The following PCDH15 variants were observed in gnomAD, a reference collection of about 807,000 sequenced individuals.
The protein encoded by PCDH15 is protocadherin-15.
In PCDH15, 129 loss-of-function variants were observed where a neutral mutation model predicts 178.5. That is an observed-to-expected ratio of 0.72 (90% CI 0.63 to 0.84). The LOEUF (loss-of-function observed/expected upper bound fraction) is 0.84. Ranked by LOEUF, PCDH15 falls within the 40% of genes least tolerant of loss-of-function variation. The probability of loss-of-function intolerance (pLI) is 0.00; values close to 1 mark genes in which losing one functional copy is unlikely to be tolerated. For missense variants in PCDH15, 2,230 were observed against 2,099.9 expected, an observed-to-expected ratio of 1.06 and a Z score of -1.21; for synonymous variants, 800 against 732.0, an observed-to-expected ratio of 1.09 and a Z score of -1.50.
At chr10:55,340,190 T>C (rs765293735) in intron 2 of PCDH15, among the ~76,000 whole-genome samples, 2 of 150,846 alleles carry the variant, frequency 1.3e-5, no homozygotes, top group Non-Finnish European at 3.0e-5. Context: ...TTATGTAAAA[T>C]ATAATCTGTA....
chr10:55,425,129 T>G (rs1838720589), intron 2 of PCDH15, among the ~76,000 whole-genome samples: 1 of 149,680 alleles, frequency 6.7e-6, no homozygotes, highest in Admixed American at 6.7e-5. Flanking sequence ...AATTTTGTTT[T>G]AAGACAAAGA....
intron 3 of PCDH15, among the ~76,000 whole-genome samples, chr10:54,889,725 G>A (rs974865203): frequency 6.6e-6 from 1 of 151,206 alleles, no homozygotes; most frequent in Non-Finnish European, 1.5e-5. Flanking sequence ...CATTTGAGAG[G>A]CAGATATGAG....
At chr10:55,047,676 T>G (rs534364054) in intron 2 of PCDH15, among the ~76,000 whole-genome samples, 16 of 151,868 alleles carry the variant, frequency 1.1e-4, no homozygotes, top group African/African-American at 3.6e-4. Context: ...GAGAATGAGT[T>G]GGGGAAGTTG....
At chr10:54,714,034 C>T (rs1189899619) in intron 1 of PCDH15, among the ~76,000 whole-genome samples, 1 of 152,116 alleles carries the variant, frequency 6.6e-6, no homozygotes, top group Non-Finnish European at 1.5e-5. Flanking sequence ...GCTACTTCAC[C>T]TCTGTGAGAC....
intron 21 of PCDH15, among the ~76,000 whole-genome samples, chr10:53,972,738 G>C (rs1376587546): frequency 2.6e-5 from 4 of 152,122 alleles, no homozygotes; most frequent in Non-Finnish European, 5.9e-5. Flanking sequence ...AAACCACAAT[G>C]AGATACCATC....
chr10:55,045,792 G>A (rs765047493), intron 2 of PCDH15, among the ~76,000 whole-genome samples: 2 of 152,042 alleles, frequency 1.3e-5, no homozygotes, highest in Middle Eastern at 6.8e-3. Flanking sequence ...ATGTCAATTG[G>A]TGATGGAGAA....
At chr10:55,162,768 C>A (rs1253469174) in intron 2 of PCDH15, among the ~76,000 whole-genome samples, 4 of 152,180 alleles carry the variant, frequency 2.6e-5, no homozygotes, top group Middle Eastern at 3.4e-3. Context: ...TTCCTATTGT[C>A]AATGGAGAGG....
intron 8 of PCDH15, among the ~76,000 whole-genome samples, chr10:54,263,229 A>T (rs1036522995): frequency 6.6e-6 from 1 of 152,050 alleles, no homozygotes; most frequent in Non-Finnish European, 1.5e-5. Context: ...GTCCCTAGAG[A>T]TGTAATCCTC....
intron 2 of PCDH15, among the ~76,000 whole-genome samples, chr10:54,983,748 A>G (rs1009419079): frequency 6.6e-6 from 1 of 152,144 alleles, no homozygotes; most frequent in Non-Finnish European, 1.5e-5. Flanking sequence ...GATCCCAGAT[A>G]GAAAGAAGCT....
At chr10:54,919,263 A>G (rs539113326) in intron 2 of PCDH15, among the ~76,000 whole-genome samples, 1 of 152,134 alleles carries the variant, frequency 6.6e-6, no homozygotes, top group Non-Finnish European at 1.5e-5. Context: ...GTGTAGTCAT[A>G]GTTTCCCTAC....
rs547067615 is a variant in PCDH15 at position 54,966,393 on chromosome 10, G to T, written c.-79-68893C>A. Among the ~76,000 whole-genome samples the T allele has an allele frequency of 1.5e-3, 222 of 152,126 alleles. 1 individual carries two copies. Among genetic ancestry groups the T allele is most frequent in the African/African-American group, 5.1e-3 (210 of 41,508 alleles). ...TGAGAAACGTATGGTTAGGTGATTT[G>T]TTCACTGAACATCCTAGAATGCACT... On this transcript the variant is annotated intron_variant, in intron 2 of 5. Coordinates refer to the PCDH15 transcript ENST00000458638.
At chr10:54,436,581 A>C (rs553378115) in intron 3 of PCDH15, among the ~76,000 whole-genome samples, 12 of 152,280 alleles carry the variant, frequency 7.9e-5, no homozygotes, top group African/African-American at 2.4e-4. Flanking sequence ...GGATTCATTA[A>C]ATTTTCAAGC....
chr10:54,391,232 C>T (rs1950514373), intron 3 of PCDH15, among the ~76,000 whole-genome samples: 1 of 152,260 alleles, frequency 6.6e-6, no homozygotes, highest in Non-Finnish European at 1.5e-5. Flanking sequence ...TGCACTCATC[C>T]CATGCCACCA....
intron 5 of PCDH15, among the ~76,000 whole-genome samples, chr10:54,366,145 C>T (rs1946759220): frequency 6.6e-6 from 1 of 152,066 alleles, no homozygotes; most frequent in African/African-American, 2.4e-5. Flanking sequence ...TATACTACTG[C>T]TCCAGTTCTC....
At chr10:55,386,310 T>C (rs1030929379) in intron 2 of PCDH15, among the ~76,000 whole-genome samples, 1 of 151,990 alleles carries the variant, frequency 6.6e-6, no homozygotes, top group Non-Finnish European at 1.5e-5. Flanking sequence ...AATAAAATTT[T>C]AAAAAACTGA....
chr10:55,440,592 C>A (rs1472372946), intron 2 of PCDH15, among the ~76,000 whole-genome samples: 1 of 152,230 alleles, frequency 6.6e-6, no homozygotes, highest in Admixed American at 6.5e-5. Flanking sequence ...AATGTACACA[C>A]ACACCCAAAC....
chr10:54,484,081 TTGTC>T (rs1319386906), intron 3 of PCDH15, among the ~76,000 whole-genome samples: 1 of 151,898 alleles, frequency 6.6e-6, no homozygotes, highest in Admixed American at 6.6e-5. Flanking sequence ...GGAGGAAAAA[TTGTC>T]TGTAAAATCC....
chr10:54,859,115 A>G, intron 3 of PCDH15, among the ~76,000 whole-genome samples: 1 of 152,046 alleles, frequency 6.6e-6, no homozygotes, highest in East Asian at 1.9e-4. Context: ...AACTGAATTC[A>G]TATCACCACA....
rs181625904 is a variant in PCDH15, at chr10:54,167,450, A to T, written c.1591-14157T>A. Among the ~76,000 whole-genome samples the T allele has an allele frequency of 8.8e-3, 1,338 of 152,212 alleles. 10 individuals are homozygous for T. The highest frequency in any genetic ancestry group is 0.014 in the Admixed American group (211 of 15,294). ...CAAAACTCCGGCGCCGGTCACGGAC[A>T]GGGAAGGCAGCCTTCCCTTGGTGTT... On this transcript the variant is annotated intron_variant, in intron 13 of 37. Transcript: ENST00000644397.
Sources: allele counts gnomAD v4.1 joint callset (sites outside exome capture counted in the v4.1 genomes callset), GRCh38; gene constraint gnomAD v4.1.1; transcripts MANE v1.5; gene names NCBI Gene and HGNC (gene_info 2026-07-23, HGNC 2026-07-21).